Variants in COL5A3 observed in about 807,000 individuals in gnomAD.
COL5A3 encodes the protein collagen type V alpha 3 chain, also known as collagen alpha-3(V) chain.
Under a neutral mutation model 250.0 loss-of-function variants are expected in COL5A3, and 172 were observed. That is an observed-to-expected ratio of 0.69 (90% CI 0.61 to 0.78). The LOEUF (loss-of-function observed/expected upper bound fraction) is 0.78, where lower values mean the gene tolerates loss of function less well. COL5A3 is among the 30% of genes least tolerant of loss of function. COL5A3 has a pLI of 0.00. For missense variants in COL5A3, 2,340 were observed against 2,334.4 expected, an observed-to-expected ratio of 1.00 and a Z score of -0.05; for synonymous variants, 937 against 900.4, an observed-to-expected ratio of 1.04 and a Z score of -0.73.
At chr19:9,999,476 T>C (rs1356698079) in intron 8 of COL5A3, among the ~76,000 whole-genome samples, 2 of 146,504 alleles carry the variant, frequency 1.4e-5, no homozygotes, top group Non-Finnish European at 3.0e-5. Context: ...TTTCTTTTTT[T>C]TTTTTTTTTG....
At chr19:10,001,414 T>C in intron 8 of COL5A3, 110 bp downstream of exon 8, 1 of 1,132,358 alleles carries the variant, frequency 8.8e-7, no homozygotes, top group Non-Finnish European at 1.2e-6. Context: ...CCCAAAGTGT[T>C]CGGATTACAG....
At chr19:10,001,960 C>T in intron 6 of COL5A3, 79 bp from the exon 7 acceptor site, 2 of 947,246 alleles carry the variant, frequency 2.1e-6, no homozygotes, top group South Asian at 3.0e-5. Flanking sequence ...CCACTGTCCC[C>T]AGGAGCTCCC....
chr19:9,985,371 C>G (rs1042836311), intron 31 of COL5A3, among the ~76,000 whole-genome samples: 2 of 151,444 alleles, frequency 1.3e-5, no homozygotes, highest in Non-Finnish European at 2.9e-5. Flanking sequence ...AGCGATTCTC[C>G]TGCCTCAGCC....
chr19:9,961,320 G>A (rs2086669063), intron 65 of COL5A3, among the ~76,000 whole-genome samples: 1 of 152,118 alleles, frequency 6.6e-6, no homozygotes, highest in African/African-American at 2.4e-5. Flanking sequence ...TTGAAATGTG[G>A]CTGATTTGAA....
At position 9,974,223 on chromosome 19, in the gene COL5A3, C is replaced by T. The variant is rs1203634254; in HGVS notation, c.3452G>A (p.Gly1151Glu). The change falls in exon 47 of 67, where the codon GGG (glycine) becomes GAG (glutamate). Residue 1151 changes from glycine to glutamate, a missense_variant and splice_region_variant. Gly to Glu is a moderately conservative substitution (Grantham distance 98, BLOSUM62 -2). Coordinates refer to ENST00000264828, the MANE Select transcript of COL5A3 (RefSeq NM_015719.4). The stretch of plus-strand genomic sequence containing the variant: ...TTTCTCTCCCGGAGGGCCTGGCAGC[C>T]CCTGTGGAACAAAGAAGCAAGATTG... ...VGVIGPPGLQ[G>E]LPGPPGEKGE... is the part of the protein sequence containing the mutation. The T allele has an allele frequency of 6.2e-7, 1 of 1,613,830 alleles. No homozygotes were observed. The highest frequency in any genetic ancestry group is 8.5e-7 in the Non-Finnish European group (1 of 1,179,974).
chr19:9,995,527 G>A, intron 16 of COL5A3, 37 bp downstream of exon 16: 2 of 1,573,686 alleles, frequency 1.3e-6, no homozygotes, highest in Non-Finnish European at 1.7e-6. Context: ...GTTGAGGGAT[G>A]GATAAGGGGT....
chr19:9,982,184 T>C, intron 31 of COL5A3, 66 bp from the exon 32 acceptor site: 1 of 1,112,444 alleles, frequency 9.0e-7, no homozygotes, highest in Non-Finnish European at 1.3e-6. Flanking sequence ...AATTGGCCCC[T>C]CATACCATCC....
In COL5A3 at chr19:10,009,327, C is replaced by T. The variant is rs1016092619; in HGVS notation, c.88+971G>A. Among the ~76,000 whole-genome samples the T allele has an allele frequency of 1.3e-5, 2 of 152,040 alleles. No homozygotes were observed. The highest frequency in any genetic ancestry group is 2.4e-5 in the African/African-American group (1 of 41,384). Reference sequence around the variant, plus strand: ...ACGCCATCCCCTGACTCCCGAAGCGCCCCCCACTCTGAACCCTGAGGGGCG... The same window carrying T: ...ACGCCATCCCCTGACTCCCGAAGCGTCCCCCACTCTGAACCCTGAGGGGCG... On this transcript the variant is annotated intron_variant, in intron 1 of 66. Transcript: ENST00000264828. This position sits in a 1 kb window ranked among gnomAD's most constrained non-coding sequence, Gnocchi z 4.4.
In COL5A3 at chr19:9,968,259, T is replaced by TC; in HGVS notation, c.4314+125dup. 1 of 981,424 alleles carries TC rather than the reference T, an allele frequency of 1.0e-6. No individual in the cohort carries two copies. Among genetic ancestry groups the TC allele is most frequent in the Non-Finnish European group, 1.5e-6 (1 of 646,460 alleles). The allele number at this position is 981,424 out of a possible 1,614,324, so 60.8% of individuals were successfully genotyped here. A position where few individuals can be genotyped will look rare whatever the true frequency, so the allele number is the denominator to read the frequency against. On this transcript the variant is annotated intron_variant, in intron 59 of 66. Transcript: ENST00000264828. The surrounding 1 kb of genome is among the most constrained non-coding windows in gnomAD (Gnocchi z 4.1). The stretch of plus-strand genomic sequence containing the variant: ...TCCAACTTGCCAGTTCCCAGATACA[T>TC]CCCCCTATTTTCCCCACACACACCC...
intron 64 of COL5A3, among the ~76,000 whole-genome samples, chr19:9,965,639 G>T (rs558417493): frequency 5.0e-4 from 76 of 151,310 alleles, no homozygotes; most frequent in African/African-American, 1.8e-3. Flanking sequence ...TTTTAGTAGA[G>T]ACGGGGTTTC....
chr19:9,967,487 A>ACT, intron 61 of COL5A3, 87 bp from the exon 62 acceptor site: 1 of 824,930 alleles, frequency 1.2e-6, no homozygotes, highest in Non-Finnish European at 1.9e-6. Context: ...ACACACTCAC[A>ACT]CACACACTCA....
intron 27 of COL5A3, among the ~76,000 whole-genome samples, chr19:9,988,853 A>AGAGAG (rs59188408): frequency 0.025 from 3,362 of 134,710 alleles, 252 homozygotes; most frequent in African/African-American, 0.093. Flanking sequence ...AAAAAAAAAA[A>AGAGAG]AAAAAGAAAG....
intron 8 of COL5A3, among the ~76,000 whole-genome samples, chr19:9,999,062 T>C (rs1397783331): frequency 6.6e-6 from 1 of 150,996 alleles, no homozygotes; most frequent in East Asian, 1.9e-4. Flanking sequence ...CTCTTTTTCT[T>C]TCTTCTTTCT....
intron 49 of COL5A3, 38 bp from the exon 50 acceptor site, chr19:9,973,661 C>T: frequency 6.2e-7 from 1 of 1,611,358 alleles, no homozygotes; most frequent in Non-Finnish European, 8.5e-7. Context: ...GAGGTCCCAT[C>T]CTAGCAGACA....
chr19:9,991,645 C>T lies in COL5A3; in HGVS notation c.1957G>A (p.Gly653Ser), dbSNP rs1462622370. The stretch of plus-strand genomic sequence containing the variant: ...GGAGTGCCAATGAGTCCCTGGGGAC[C>T]GGGGAGTCCCTGGAGACAGAAAAAG... The part of the protein sequence containing the change: ...QGNHGSQGLP[G>S]PQGLIGTPGE... The change falls in exon 24 of 67, where the codon GGT (glycine) becomes AGT (serine). Residue 653 changes from glycine to serine, a missense_variant. Physicochemically the swap from Gly to Ser is moderately conservative, Grantham distance 56. Coordinates refer to ENST00000264828, the MANE Select transcript of COL5A3 (RefSeq NM_015719.4). The T allele has an allele frequency of 2.4e-5, 38 of 1,609,982 alleles. No individual in the cohort carries two copies. Among genetic ancestry groups the T allele is most frequent in the Non-Finnish European group, 3.0e-5 (35 of 1,178,214 alleles).
chr19:9,977,589 C>T lies in COL5A3; in HGVS notation c.3126+5G>A, dbSNP rs1257699997. The T allele has an allele frequency of 1.9e-6, 3 of 1,573,192 alleles. No homozygotes were observed. Among genetic ancestry groups the T allele is most frequent in the South Asian group, 1.2e-5 (1 of 84,284 alleles). On this transcript the variant is annotated splice_donor_5th_base_variant and intron_variant, in intron 42 of 66. Transcript: ENST00000264828. ...CCCTAGGAATGGGATGGGCAAGTCACTTACCCGGGACCCCTTCTTGCCTGC... is the reference window on the plus strand; with the variant it reads ...CCCTAGGAATGGGATGGGCAAGTCATTTACCCGGGACCCCTTCTTGCCTGC...
intron 15 of COL5A3, 87 bp from the exon 16 acceptor site, chr19:9,995,704 G>A (rs2087259255): frequency 9.4e-7 from 1 of 1,060,290 alleles, no homozygotes; most frequent in Non-Finnish European, 1.4e-6. Flanking sequence ...TAGAGATGGG[G>A]TCTTGCTGTA....
In COL5A3 at chr19:10,009,361, C is replaced by A. The variant is rs2087491708; in HGVS notation, c.88+937G>T. On this transcript the variant is annotated intron_variant, in intron 1 of 66. Transcript: ENST00000264828. The surrounding 1 kb of genome is among the most constrained non-coding windows in gnomAD (Gnocchi z 4.4). Reference sequence around the variant, plus strand: ...CTGAACCCTGAGGGGCGGGACAGGGCGCCCAGCCAGATGCGCGCAGCTGGG... The same window carrying A: ...CTGAACCCTGAGGGGCGGGACAGGGAGCCCAGCCAGATGCGCGCAGCTGGG... Among the ~76,000 whole-genome samples the A allele has an allele frequency of 6.6e-6, 1 of 152,098 alleles. No individual in the cohort carries two copies. The highest frequency in any genetic ancestry group is 6.5e-5 in the Admixed American group (1 of 15,280).
intron 41 of COL5A3, 57 bp from the exon 42 acceptor site, chr19:9,977,758 G>C: frequency 7.4e-7 from 1 of 1,356,600 alleles, no homozygotes; most frequent in South Asian, 1.6e-5. Context: ...CCTTTATGGA[G>C]GGTTTTTAAG....
Sources: gnomAD v4.1 joint callset for allele counts (sites outside exome capture counted in the v4.1 genomes callset) on GRCh38, gnomAD v4.1.1 for gene constraint, Gnocchi (gnomAD v3.1) non-coding constraint, MANE v1.5 for transcripts, NCBI Gene and HGNC (gene_info 2026-07-23, HGNC 2026-07-21) for gene names.